Variants in MOSMO observed in about 807,000 individuals in gnomAD.
The protein encoded by MOSMO is modulator of smoothened protein.
In MOSMO, 5 loss-of-function variants were observed where a neutral mutation model predicts 18.4. The observed-to-expected ratio is 0.27, with a 90% confidence interval of 0.14 to 0.57. The LOEUF (loss-of-function observed/expected upper bound fraction) is 0.57. MOSMO is among the 20% of genes least tolerant of loss of function. MOSMO has a pLI of 0.92. For synonymous variants in MOSMO, 82 were observed against 82.3 expected (o/e 1.00, Z 0.02); for missense variants, 138 against 211.8 (o/e 0.65, Z 2.16).
chr16:22,092,595 C>T, the MOSMO span: 8 of 1,548,782 alleles, frequency 5.2e-6, no homozygotes, highest in Middle Eastern at 3.4e-4. Flanking sequence ...AGAAGTAAGG[C>T]CCTGGAGTGC....
intron 1 of MOSMO, among the ~76,000 whole-genome samples, chr16:22,026,028 A>C (rs1899868657): frequency 6.6e-6 from 1 of 152,078 alleles, no homozygotes; most frequent in African/African-American, 2.4e-5. Context: ...CTGCTTTCCT[A>C]AGGGGTATTT....
chr16:22,019,419 T>C (rs1039908846), intron 1 of MOSMO, among the ~76,000 whole-genome samples: 5 of 152,228 alleles, frequency 3.3e-5, no homozygotes, highest in African/African-American at 1.2e-4. Flanking sequence ...AAACCTTTTT[T>C]GATCCCTTAC....
At chr16:22,023,723 CA>C (rs1394553300) in intron 1 of MOSMO, among the ~76,000 whole-genome samples, 2 of 152,022 alleles carry the variant, frequency 1.3e-5, no homozygotes, top group African/African-American at 2.4e-5. Flanking sequence ...TCTCAGTGGT[CA>C]GTTTCCATTG....
At chr16:22,088,940 G>C (rs187939806), downstream of MOSMO, among the ~76,000 whole-genome samples, 115 of 151,812 alleles carry the variant, frequency 7.6e-4, no homozygotes, top group Non-Finnish European at 1.8e-4. Context: ...TCTTCTGGAT[G>C]TGGAATGCAA....
At position 22,083,804 on chromosome 16, in the gene MOSMO, A is replaced by G; in HGVS notation, c.*2924A>G. 2.6e-6 allele frequency: 1 copy of G among 387,316 alleles called. No individual in the cohort carries two copies. Among genetic ancestry groups the G allele is most frequent in the East Asian group, 7.5e-5 (1 of 13,406 alleles). The allele number at this position is 387,316 out of a possible 1,614,324, so 24.0% of individuals were successfully genotyped here. ...AAGCTCCTATTGAACATACCCAAAC[A>G]TCTGTAAACATGAAAAATCTTCAAT... On this transcript the variant is annotated 3_prime_UTR_variant, in exon 3 of 3. Transcript: ENST00000542527.
chr16:22,012,644 T>G (rs1431774132), intron 1 of MOSMO, among the ~76,000 whole-genome samples: 1 of 151,824 alleles, frequency 6.6e-6, no homozygotes, highest in Non-Finnish European at 1.5e-5. Context: ...GGCTTTGGAC[T>G]TTCTCTGTCA....
intron 1 of MOSMO, among the ~76,000 whole-genome samples, chr16:22,048,333 T>C (rs560812220): frequency 1.3e-5 from 2 of 152,344 alleles, no homozygotes; most frequent in Admixed American, 1.3e-4. Flanking sequence ...TGGGATATGT[T>C]AACACTGTAT....
At chr16:22,055,845 C>T (rs1412154522) in intron 1 of MOSMO, among the ~76,000 whole-genome samples, 1 of 152,170 alleles carries the variant, frequency 6.6e-6, no homozygotes, top group Non-Finnish European at 1.5e-5. Context: ...CAAGCTGATA[C>T]TTGTAGTCAT....
intron 2 of MOSMO, among the ~76,000 whole-genome samples, chr16:22,076,935 C>T (rs183476001): frequency 6.6e-6 from 1 of 152,226 alleles, no homozygotes; most frequent in East Asian, 1.9e-4. Context: ...CAGAGTGAAA[C>T]AAGTTGGTGA....
At chr16:22,040,928 C>T (rs1441395688) in intron 1 of MOSMO, among the ~76,000 whole-genome samples, 3 of 152,110 alleles carry the variant, frequency 2.0e-5, no homozygotes, top group African/African-American at 7.2e-5. Context: ...CGCGCTACTG[C>T]ACTCCAGCCT....
At chr16:22,064,552 C>T (rs1400448034) in intron 1 of MOSMO, 1 of 407,908 alleles carries the variant, frequency 2.5e-6, no homozygotes, top group Non-Finnish European at 5.0e-6. Context: ...TTCTACCTGA[C>T]TCACTTTGGT....
At chr16:22,037,933 C>G (rs994686588) in intron 1 of MOSMO, among the ~76,000 whole-genome samples, 2 of 152,152 alleles carry the variant, frequency 1.3e-5, no homozygotes, top group African/African-American at 4.8e-5. Flanking sequence ...AAATCCTTGG[C>G]CATTGACGAG....
At chr16:22,043,331 T>A (rs914647064) in intron 1 of MOSMO, among the ~76,000 whole-genome samples, 1 of 152,222 alleles carries the variant, frequency 6.6e-6, no homozygotes, top group Non-Finnish European at 1.5e-5. Context: ...TTTTAGTCTT[T>A]TAGTCACAGC....
intron 1 of MOSMO, among the ~76,000 whole-genome samples, chr16:22,036,651 T>G (rs1846215716): frequency 6.6e-6 from 1 of 152,178 alleles, no homozygotes; most frequent in Non-Finnish European, 1.5e-5. Flanking sequence ...CTCACTGTGT[T>G]GCCTAGGCTG....
intron 1 of MOSMO, among the ~76,000 whole-genome samples, chr16:22,057,790 A>C (rs1369421355): frequency 6.6e-6 from 1 of 152,230 alleles, no homozygotes; most frequent in Non-Finnish European, 1.5e-5. Flanking sequence ...TTACGAGGGA[A>C]GTCCTCCCTA....
intron 1 of MOSMO, among the ~76,000 whole-genome samples, chr16:22,047,479 T>C (rs1034824215): frequency 9.9e-5 from 15 of 151,958 alleles, no homozygotes; most frequent in South Asian, 6.2e-4. Flanking sequence ...CTCCTGACCT[T>C]GTGATCCGCC....
In MOSMO at chr16:22,081,670, A is replaced by G. The variant is rs1336386708; in HGVS notation, c.*790A>G. On this transcript the variant is annotated 3_prime_UTR_variant, in exon 3 of 3. Transcript: ENST00000542527. ...TGTGTGTAAATTTATATACACACAC[A>G]TGCAAACAGTTCCTGGAAGAGAATT... 1 of 151,378 alleles carries G rather than the reference A, an allele frequency of 6.6e-6. No individual in the cohort carries two copies. The highest frequency in any genetic ancestry group is 1.9e-4 in the East Asian group (1 of 5,196). The allele number at this position is 151,378 out of a possible 1,614,324, so 9.4% of individuals were successfully genotyped here.
At chr16:22,016,651 A>T (rs1899643442) in intron 1 of MOSMO, among the ~76,000 whole-genome samples, 1 of 152,218 alleles carries the variant, frequency 6.6e-6, no homozygotes. Context: ...AGCATAGTGG[A>T]AATGGCACAC....
chr16:22,039,795 C>T (rs180765305), intron 1 of MOSMO, among the ~76,000 whole-genome samples: 2 of 152,272 alleles, frequency 1.3e-5, no homozygotes, highest in East Asian at 1.9e-4. Flanking sequence ...CTTCCCTAAC[C>T]ACCCTGAATC....
Sources: gnomAD v4.1 joint callset for allele counts (sites outside exome capture counted in the v4.1 genomes callset) on GRCh38, gnomAD v4.1.1 for gene constraint, MANE v1.5 for transcripts, NCBI Gene and HGNC (gene_info 2026-07-23, HGNC 2026-07-21) for gene names.